Variants in MEIOC observed in about 807,000 individuals in gnomAD.
MEIOC encodes the protein meiosis specific with coiled-coil domain, also known as meiosis-specific coiled-coil domain-containing protein MEIOC.
MEIOC carries 9 observed loss-of-function variants against 85.3 expected under a neutral mutation model. The observed-to-expected ratio is 0.11, with a 90% CI of 0.06 to 0.18. MEIOC has a LOEUF of 0.18. Ranked by LOEUF, MEIOC falls within the 10% of genes least tolerant of loss-of-function variation. MEIOC has a pLI of 1.00. For synonymous variants in MEIOC, 365 were observed against 393.7 expected (o/e 0.93, Z 0.86); for missense variants, 898 against 1,129.4 (o/e 0.80, Z 2.94).
intron 2 of MEIOC, among the ~76,000 whole-genome samples, chr17:44,658,508 T>G (rs1014931577): frequency 4.0e-5 from 6 of 150,882 alleles, no homozygotes; most frequent in African/African-American, 1.5e-4. Flanking sequence ...TGAAAATAAG[T>G]TAAGGGCCGG....
chr17:44,660,704 C>T (rs761808006), intron 2 of MEIOC, among the ~76,000 whole-genome samples: 22 of 151,962 alleles, frequency 1.4e-4, no homozygotes, highest in Non-Finnish European at 1.2e-4. Flanking sequence ...CTAGAATAAA[C>T]AATGTATAAA....
chr17:44,674,440 A>C lies in MEIOC; in HGVS notation c.*244A>C. 8.2e-7 allele frequency: 1 copy of C among 1,219,418 alleles called. No individual in the cohort carries two copies. Among genetic ancestry groups the C allele is most frequent in the Non-Finnish European group, 1.0e-6 (1 of 975,368 alleles). 75.5% of individuals were successfully genotyped at this position (1,219,418 alleles called of 1,614,324 possible). On this transcript the variant is annotated 3_prime_UTR_variant, in exon 8 of 8. Transcript: ENST00000409122. ...TTCTGAGTAGTCAGATAACAAGTTT[A>C]AGTAAATTAAATATTTCCTAACAGC...
Position 44,674,109 on chromosome 17 carries a change from A to G in MEIOC, c.2772A>G (p.Gln924=), listed in dbSNP as rs1209241587. The G allele has an allele frequency of 1.3e-6, 2 of 1,551,790 alleles. No individual in the cohort carries two copies. Among genetic ancestry groups the G allele is most frequent in the East Asian group, 4.9e-5 (2 of 40,922 alleles). The change falls in exon 8 of 8, where the codon CAA becomes CAG. Residue 924 remains glutamine (Q), a synonymous_variant. Coordinates refer to ENST00000409122, the MANE Select transcript of MEIOC (RefSeq NM_001145080.3). ...CAGCTGATGTGGTAAAGCCTTTACA[A>G]GATACAGTAAACTGTGAAGATAAAG... ...ASTADVVKPL[Q]DTVNCEDKVH...
chr17:44,673,867 A>T, intron 7 of MEIOC, 109 bp from the exon 8 acceptor site: 1 of 1,305,764 alleles, frequency 7.7e-7, no homozygotes, highest in Non-Finnish European at 1.0e-6. Context: ...TCCTTTTTTT[A>T]CAAAAATAAC....
In MEIOC at chr17:44,667,830, C is replaced by T; in HGVS notation, c.1919C>T (p.Ser640Leu). Reference sequence around the variant, plus strand: ...AATACATACCAAGATCTACTGGAGTCACAGGGTCATTCTAATAGCCACAGA... The same window carrying T: ...AATACATACCAAGATCTACTGGAGTTACAGGGTCATTCTAATAGCCACAGA... ...SQNTYQDLLESQGHSNSHRTR... is the reference protein window; with the variant it reads ...SQNTYQDLLELQGHSNSHRTR... Residue 640 changes from serine to leucine, a missense_variant, in exon 5 of 8, where the codon TCA becomes TTA. By Grantham distance (145) the Ser-to-Leu change is moderately radical. Around this residue, in one of 2 missense-constraint regions of MEIOC, gnomAD observed 734 missense variants for 860.1 expected, o/e 0.85. Coordinates refer to ENST00000409122, the MANE Select transcript of MEIOC (RefSeq NM_001145080.3). The T allele has an allele frequency of 6.2e-7, 1 of 1,613,914 alleles. No homozygotes were observed. Among genetic ancestry groups the T allele is most frequent in the Non-Finnish European group, 8.5e-7 (1 of 1,179,864 alleles).
At position 44,662,490 on chromosome 17, in the gene MEIOC, C is replaced by T; in HGVS notation, c.359+19C>T. 2 of 1,475,932 alleles carry T rather than the reference C, an allele frequency of 1.4e-6. No individual in the cohort carries two copies. The highest frequency in any genetic ancestry group is 1.8e-6 in the Non-Finnish European group (2 of 1,097,430). 91.4% of individuals were successfully genotyped at this position (1,475,932 alleles called of 1,614,324 possible). A position where few individuals can be genotyped will look rare whatever the true frequency, so the allele number is the denominator to read the frequency against. On this transcript the variant is annotated intron_variant, in intron 3 of 7. Coordinates refer to ENST00000409122, the MANE Select transcript of MEIOC (RefSeq NM_001145080.3). Reference sequence around the variant, plus strand: ...AGAACAGGTAAATTAATTCATTTCTCAAGGTAATTGAGGTATTTTTAAATT... The same window carrying T: ...AGAACAGGTAAATTAATTCATTTCTTAAGGTAATTGAGGTATTTTTAAATT...
chr17:44,662,020 A>T (rs746104183), intron 2 of MEIOC, among the ~76,000 whole-genome samples: 9 of 152,194 alleles, frequency 5.9e-5, no homozygotes, highest in Non-Finnish European at 1.2e-4. Context: ...GTTTTATTGC[A>T]ATGCAGCCAA....
At chr17:44,658,553 G>T (rs1971800835) in intron 2 of MEIOC, among the ~76,000 whole-genome samples, 2 of 151,738 alleles carry the variant, frequency 1.3e-5, no homozygotes, top group Admixed American at 6.6e-5. Flanking sequence ...CCAGCACTCT[G>T]GGGGGCTGAG....
intron 4 of MEIOC, 98 bp from the exon 5 acceptor site, chr17:44,666,278 G>A: frequency 2.0e-6 from 2 of 999,042 alleles, no homozygotes; most frequent in Non-Finnish European, 2.9e-6. Flanking sequence ...GTGACATGGG[G>A]CAAGATAAAT....
At chr17:44,666,314 TC>T in intron 4 of MEIOC, 61 bp from the exon 5 acceptor site, 4 of 1,372,220 alleles carry the variant, frequency 2.9e-6, no homozygotes, top group Non-Finnish European at 3.9e-6. Context: ...TTCTCCCTTT[TC>T]CACTGAAGAA....
At position 44,674,527 on chromosome 17, in the gene MEIOC, G is replaced by C. The variant is rs1457108593; in HGVS notation, c.*331G>C. Reference sequence around the variant, plus strand: ...ATGCAAATGTGAAATTCTTCTAGGAGATAAATTTCATTTAGGTTTGTCTTA... The same window carrying C: ...ATGCAAATGTGAAATTCTTCTAGGACATAAATTTCATTTAGGTTTGTCTTA... On this transcript the variant is annotated 3_prime_UTR_variant, in exon 8 of 8. Coordinates refer to ENST00000409122, the MANE Select transcript of MEIOC (RefSeq NM_001145080.3). The C allele has an allele frequency of 8.7e-6, 9 of 1,030,106 alleles. No homozygotes were observed. The highest frequency in any genetic ancestry group is 1.1e-5 in the Non-Finnish European group (9 of 856,928). The allele number at this position is 1,030,106 out of a possible 1,614,324, so 63.8% of individuals were successfully genotyped here.
chr17:44,664,730 T>C (rs1971883832), intron 3 of MEIOC, among the ~76,000 whole-genome samples: 1 of 152,214 alleles, frequency 6.6e-6, no homozygotes, highest in Non-Finnish European at 1.5e-5. Flanking sequence ...TTCCACGTGC[T>C]TGTGGTTTTT....
intron 5 of MEIOC, 60 bp downstream of exon 5, chr17:44,668,293 G>T: frequency 7.1e-7 from 1 of 1,411,820 alleles, no homozygotes; most frequent in Admixed American, 2.2e-5. Context: ...TCTTCATTCT[G>T]TTTACCTTAG....
chr17:44,658,934 T>C (rs1165779547), intron 2 of MEIOC, among the ~76,000 whole-genome samples: 2 of 152,170 alleles, frequency 1.3e-5, no homozygotes, highest in African/African-American at 2.4e-5. Flanking sequence ...ATGTTTTTTT[T>C]CGTTCAGGCA....
intron 2 of MEIOC, among the ~76,000 whole-genome samples, chr17:44,661,502 A>G (rs530971377): frequency 7.2e-5 from 11 of 152,252 alleles, no homozygotes; most frequent in African/African-American, 2.6e-4. Flanking sequence ...GTAAAATTCC[A>G]TATAAATATA....
intron 4 of MEIOC, 103 bp from the exon 5 acceptor site, chr17:44,666,273 A>G: frequency 1.1e-6 from 1 of 939,704 alleles, no homozygotes; most frequent in South Asian, 1.8e-5. Flanking sequence ...GAATGGTGAC[A>G]TGGGGCAAGA....
chr17:44,667,666 A>G lies in MEIOC; in HGVS notation c.1755A>G (p.Pro585=), dbSNP rs759295692. 1 of 1,612,888 alleles carries G rather than the reference A, an allele frequency of 6.2e-7. No homozygotes were observed. The highest frequency in any genetic ancestry group is 1.7e-5 in the Admixed American group (1 of 59,864). ...TTACGGATAAAAAAATAAAGCAGCC[A>G]AATGGATTTTGTGATAACTATTCAG... The part of the protein sequence containing the change: ...KLVTDKKIKQ[P]NGFCDNYSAQ... Residue 585 remains proline, a synonymous_variant, in exon 5 of 8, where the codon CCA becomes CCG. Coordinates refer to ENST00000409122, the MANE Select transcript of MEIOC (RefSeq NM_001145080.3).
At chr17:44,669,792 A>G (rs1258184249) in intron 6 of MEIOC, 4 of 343,186 alleles carry the variant, frequency 1.2e-5, no homozygotes, top group African/African-American at 8.4e-5. Context: ...CCCAGGAGGC[A>G]GAGGTTGCAG....
chr17:44,668,578 C>T lies in MEIOC; in HGVS notation c.2322+345C>T, dbSNP rs550525414. 3.9e-4 allele frequency among the ~76,000 whole-genome samples: 60 copies of T among 152,296 alleles called. 1 individual carries two copies. The highest frequency in any genetic ancestry group is 2.4e-4 in the Non-Finnish European group (16 of 68,032). On this transcript the variant is annotated intron_variant, in intron 5 of 7. Coordinates refer to ENST00000409122, the MANE Select transcript of MEIOC (RefSeq NM_001145080.3). ...AACCCCTGGCCTCAAGCCATCCTCC[C>T]ACCTTGATGTCCCAAGTGTTGGCAT...
Sources: allele counts gnomAD v4.1 joint callset (sites outside exome capture counted in the v4.1 genomes callset), GRCh38; gene constraint gnomAD v4.1.1; regional missense constraint gnomAD v4.1.1; transcripts MANE v1.5; gene names NCBI Gene and HGNC (gene_info 2026-07-23, HGNC 2026-07-21).